PES1: variants seen among roughly 807,000 people sequenced by gnomAD.
PES1 encodes pescadillo homolog.
Under a neutral mutation model 77.1 loss-of-function variants are expected in PES1, and 31 were observed. The observed-to-expected ratio is 0.40, with a 90% CI of 0.30 to 0.54. The LOEUF (loss-of-function observed/expected upper bound fraction) is 0.54. Ranked by LOEUF, PES1 falls within the 20% of genes least tolerant of loss-of-function variation. PES1 has a pLI of 0.45. For missense variants in PES1, 658 were observed against 771.7 expected, an observed-to-expected ratio of 0.85 and a Z score of 1.75; for synonymous variants, 282 against 303.0, an observed-to-expected ratio of 0.93 and a Z score of 0.72.
Position 30,584,350 on chromosome 22 carries a change from G to C in PES1, c.630+15C>G. 6.3e-7 allele frequency: 1 copy of C among 1,593,040 alleles called. No homozygotes were observed. Among genetic ancestry groups the C allele is most frequent in the African/African-American group, 1.3e-5 (1 of 74,520 alleles). On this transcript the variant is annotated intron_variant, in intron 6 of 14. Transcript: ENST00000354694. ...AGGCAGCACAAGCCCGTCCCCTCCC[G>C]ACAGGCACACTCACGTCATGGGAGA...
chr22:30,592,243 T>G, upstream of PES1: 1 of 1,011,766 alleles, frequency 9.9e-7, no homozygotes, highest in Middle Eastern at 2.7e-4. Context: ...CCGCACTCCA[T>G]GGTGCGCGAT....
chr22:30,593,343 C>T (rs561398961), upstream of PES1, among the ~76,000 whole-genome samples: 31 of 152,074 alleles, frequency 2.0e-4, no homozygotes, highest in Admixed American at 5.2e-4. Flanking sequence ...AAAAATTAGC[C>T]GGGTGTGGTG....
chr22:30,591,924 C>T, upstream of PES1: 1 of 1,483,154 alleles, frequency 6.7e-7, no homozygotes, highest in Non-Finnish European at 8.9e-7. Context: ...GAGGACCCTC[C>T]CCACCCCACG....
At chr22:30,585,024 G>C (rs991275549) in intron 4 of PES1, among the ~76,000 whole-genome samples, 1 of 152,192 alleles carries the variant, frequency 6.6e-6, no homozygotes, top group Admixed American at 6.5e-5. Context: ...ACGGTAGACG[G>C]AGTCAGGGGC....
intron 14 of PES1, among the ~76,000 whole-genome samples, chr22:30,577,999 C>T (rs2086928297): frequency 6.6e-6 from 1 of 152,160 alleles, no homozygotes; most frequent in Non-Finnish European, 1.5e-5. Flanking sequence ...AATTACAACT[C>T]AGGCTGGGTA....
At chr22:30,581,164 G>T (rs1167150247) in intron 8 of PES1, 63 bp from the exon 9 acceptor site, 1 of 1,448,676 alleles carries the variant, frequency 6.9e-7, no homozygotes, top group Non-Finnish European at 9.5e-7. Flanking sequence ...GCCAGGGTGG[G>T]GAGGGGCAGC....
At position 30,581,011 on chromosome 22, in the gene PES1, C is replaced by T. The variant is rs2086976428; in HGVS notation, c.912+1G>A. 1 of 1,611,746 alleles carries T rather than the reference C, an allele frequency of 6.2e-7. No individual in the cohort carries two copies. Among genetic ancestry groups the T allele is most frequent in the Non-Finnish European group, 8.5e-7 (1 of 1,178,776 alleles). ...CTGCCAGAAGGCAGTGCAGTGCTCA[C>T]CCCATCGGTGGGAAACTCATCCACC... On this transcript the variant is annotated splice_donor_variant, in intron 9 of 14. Transcript: ENST00000354694. LOFTEE classifies it high-confidence loss of function.
upstream of PES1, among the ~76,000 whole-genome samples, chr22:30,592,727 G>T (rs528865526): frequency 2.6e-5 from 4 of 152,312 alleles, no homozygotes; most frequent in East Asian, 7.7e-4. Context: ...AACCTGGGAG[G>T]CAGAGGTTGC....
intron 2 of PES1, among the ~76,000 whole-genome samples, chr22:30,602,136 G>GA (rs2087365081): frequency 6.6e-6 from 1 of 151,872 alleles, no homozygotes; most frequent in South Asian, 2.1e-4. Flanking sequence ...ATCTCATCTT[G>GA]AATTGTAATT....
chr22:30,596,782 C>T (rs748300973), upstream of PES1, among the ~76,000 whole-genome samples: 9 of 152,196 alleles, frequency 5.9e-5, no homozygotes, highest in Admixed American at 3.9e-4. Context: ...CCTTCAGCCC[C>T]GCTGCTGCAC....
At position 30,606,777 on chromosome 22, in the gene PES1, GA is replaced by G. The variant is rs375559400; in HGVS notation, c.-718+31del. The stretch of plus-strand genomic sequence containing the variant: ...CGCCACAACTGAGGGAGGCGGTGCT[GA>G]AAAACAGCTGACTCCAGCAATGCTG... On this transcript the variant is annotated intron_variant, in intron 1 of 16. Coordinates refer to the PES1 transcript ENST00000402281. The G allele has an allele frequency of 7.2e-4, 677 of 934,348 alleles. 3 individuals are homozygous for G. In the African/African-American group the frequency reaches 0.011, roughly 16 times the overall value. The allele number at this position is 934,348 out of a possible 1,614,324, so 57.9% of individuals were successfully genotyped here. A position where few individuals can be genotyped will look rare whatever the true frequency, so the allele number is the denominator to read the frequency against.
At chr22:30,589,091 A>G in intron 2 of PES1, 100 bp downstream of exon 2, 1 of 793,878 alleles carries the variant, frequency 1.3e-6, no homozygotes, top group Non-Finnish European at 2.1e-6. Context: ...GAATACCAGA[A>G]CCCCAGAATG....
intron 4 of PES1, among the ~76,000 whole-genome samples, chr22:30,586,767 T>A (rs1287393586): frequency 6.6e-6 from 1 of 151,868 alleles, no homozygotes; most frequent in African/African-American, 2.4e-5. Context: ...CTGGCCAACA[T>A]GGGGAAACCC....
At chr22:30,600,345 TTGCATGTAGCTGCTCAC>T (rs1376797800) in intron 2 of PES1, among the ~76,000 whole-genome samples, 1 of 152,142 alleles carries the variant, frequency 6.6e-6, no homozygotes, top group East Asian at 1.9e-4. Flanking sequence ...GGGGGTAGGT[TTGCATGTAGCTGCTCAC>T]TGCAGAACAG....
rs1569031688 is a variant in PES1 at position 30,598,884 on chromosome 22, A to ATTTTTTTTTTTTTTTTT, written c.-660-6487_-660-6486insAAAAAAAAAAAAAAAAA. Among the ~76,000 whole-genome samples the ATTTTTTTTTTTTTTTTT allele has an allele frequency of 4.1e-4, 19 of 46,318 alleles. 1 individual carries two copies. The highest frequency in any genetic ancestry group is 1.3e-3 in the African/African-American group (18 of 13,414). The allele number at this position is 46,318 out of a possible 152,430, so 30.4% of individuals were successfully genotyped here. ...TTTCAAGTTTATGTGACTTAAGTAA[A>ATTTTTTTTTTTTTTTTT]ATTTTTTTTTTTTTTTTTTTTTTTT... On this transcript the variant is annotated intron_variant, in intron 2 of 16. Coordinates refer to the PES1 transcript ENST00000402281.
chr22:30,576,830 GAGGCCTCTTCTCTGACC>G lies in PES1; in HGVS notation c.*199_*215del. On this transcript the variant is annotated 3_prime_UTR_variant, in exon 15 of 15. Coordinates refer to ENST00000354694, the MANE Select transcript of PES1 (RefSeq NM_014303.4). ...GGAGCAGAGAATCAGGCTGGGCACA[GAGGCCTCTTCTCTGACC>G]AGGCACCAGCAGGGCAGCTCCATCC... 1 of 580,316 alleles carries G rather than the reference GAGGCCTCTTCTCTGACC, an allele frequency of 1.7e-6. No individual in the cohort carries two copies. The highest frequency in any genetic ancestry group is 3.1e-6 in the Non-Finnish European group (1 of 325,128). 35.9% of individuals were successfully genotyped at this position (580,316 alleles called of 1,614,324 possible).
intron 1 of PES1, among the ~76,000 whole-genome samples, chr22:30,589,622 G>A (rs1487397097): frequency 6.6e-6 from 1 of 152,194 alleles, no homozygotes; most frequent in Non-Finnish European, 1.5e-5. Flanking sequence ...TGTAGGTGCT[G>A]TCCGAACGTC....
At chr22:30,581,214 G>T in intron 8 of PES1, 113 bp from the exon 9 acceptor site, 1 of 1,353,384 alleles carries the variant, frequency 7.4e-7, no homozygotes, top group Non-Finnish European at 1.0e-6. Context: ...GGTTCCAAGG[G>T]CAGGCTGAGA....
At chr22:30,605,840 G>T (rs1289153709) in intron 1 of PES1, among the ~76,000 whole-genome samples, 1 of 152,182 alleles carries the variant, frequency 6.6e-6, no homozygotes, top group African/African-American at 2.4e-5. Context: ...GATAAATCAG[G>T]CTCAAAAAGA....
Sources: gnomAD v4.1 joint callset for allele counts (sites outside exome capture counted in the v4.1 genomes callset) on GRCh38, gnomAD v4.1.1 for gene constraint, MANE v1.5 for transcripts, NCBI Gene and HGNC (gene_info 2026-07-23, HGNC 2026-07-21) for gene names.